Variants in FSTL5 observed in about 807,000 individuals in gnomAD.
The protein encoded by FSTL5 is follistatin like 5.
In FSTL5, 62 loss-of-function variants were observed where a neutral mutation model predicts 89.1. That is an observed-to-expected ratio of 0.70 (90% confidence interval 0.57 to 0.86). The LOEUF is 0.86. FSTL5 is among the 40% of genes least tolerant of loss of function. The pLI is 0.00. For synonymous variants in FSTL5, 383 were observed against 346.2 expected (o/e 1.11, Z -1.18); for missense variants, 1,057 against 1,001.6 (o/e 1.06, Z -0.75).
At chr4:161,784,976 C>T (rs888263408) in intron 4 of FSTL5, among the ~76,000 whole-genome samples, 1 of 151,522 alleles carries the variant, frequency 6.6e-6, no homozygotes, top group African/African-American at 2.4e-5. Context: ...ACATTTTTAA[C>T]CCGATACTTA....
intron 8 of FSTL5, among the ~76,000 whole-genome samples, chr4:161,545,304 G>A (rs1180803556): frequency 6.6e-6 from 1 of 151,946 alleles, no homozygotes; most frequent in East Asian, 1.9e-4. Context: ...ACTAATCAAA[G>A]GTATTTTATT....
intron 7 of FSTL5, among the ~76,000 whole-genome samples, chr4:161,618,832 A>G (rs1734994472): frequency 6.6e-6 from 1 of 152,216 alleles, no homozygotes; most frequent in Non-Finnish European, 1.5e-5. Flanking sequence ...AGAATTGGAA[A>G]AAACTACTTT....
chr4:162,004,193 T>C (rs1210402336), intron 3 of FSTL5, among the ~76,000 whole-genome samples: 3 of 152,182 alleles, frequency 2.0e-5, no homozygotes, highest in Non-Finnish European at 2.9e-5. Context: ...CACCCCAAAC[T>C]GTACTCGTGC....
At chr4:161,785,257 G>A (rs1377479458) in intron 4 of FSTL5, among the ~76,000 whole-genome samples, 3 of 152,288 alleles carry the variant, frequency 2.0e-5, no homozygotes, top group African/African-American at 7.2e-5. Context: ...TGAAAGTACA[G>A]CTTTACTGTT....
At chr4:161,972,982 C>G (rs970879576) in intron 3 of FSTL5, among the ~76,000 whole-genome samples, 1 of 152,142 alleles carries the variant, frequency 6.6e-6, no homozygotes, top group African/African-American at 2.4e-5. Flanking sequence ...TAAAATATTT[C>G]CTTGAGTGGC....
intron 6 of FSTL5, among the ~76,000 whole-genome samples, chr4:161,736,882 TAAAG>T (rs1327026815): frequency 6.6e-6 from 1 of 152,082 alleles, no homozygotes; most frequent in Non-Finnish European, 1.5e-5. Flanking sequence ...TTGTAAATAA[TAAAG>T]AGCCATATCT....
chr4:161,388,012 A>G (rs1730706623), intron 15 of FSTL5: 1 of 152,088 alleles, frequency 6.6e-6, no homozygotes, highest in Non-Finnish European at 1.5e-5. Context: ...CCTGTCTCCA[A>G]TGAGTCTAGA....
chr4:161,461,867 G>A (rs1733596153), intron 13 of FSTL5, among the ~76,000 whole-genome samples: 2 of 151,602 alleles, frequency 1.3e-5, no homozygotes, highest in South Asian at 4.2e-4. Context: ...AGCTTTAAAT[G>A]GAATAATCTT....
chr4:161,954,762 C>G (rs907703378), intron 3 of FSTL5, among the ~76,000 whole-genome samples: 9 of 151,500 alleles, frequency 5.9e-5, no homozygotes, highest in African/African-American at 2.2e-4. Context: ...ACCAAAATCA[C>G]TAAACACAGA....
At chr4:161,613,765 T>C (rs528771834) in intron 7 of FSTL5, among the ~76,000 whole-genome samples, 23 of 152,294 alleles carry the variant, frequency 1.5e-4, no homozygotes, top group African/African-American at 5.5e-4. Context: ...GTAAAATTTC[T>C]GGAACATATT....
rs1730545885 is a variant in FSTL5, at chr4:162,091,436, G to A, written c.126+19835C>T. ...AACTAATATATTCTCTCTTAGTTAG[G>A]AGTATACCCAACTCAGTCTGAACAA... On this transcript the variant is annotated intron_variant, in intron 2 of 15. Coordinates refer to ENST00000306100, the MANE Select transcript of FSTL5 (RefSeq NM_020116.5). Among the ~76,000 whole-genome samples the A allele has an allele frequency of 3.3e-5, 5 of 152,202 alleles. 1 individual carries two copies. In the Middle Eastern group the frequency reaches 0.017, roughly 518 times the overall value.
chr4:161,703,310 A>G (rs1211078247), intron 6 of FSTL5, among the ~76,000 whole-genome samples: 1 of 152,030 alleles, frequency 6.6e-6, no homozygotes, highest in African/African-American at 2.4e-5. Flanking sequence ...CTAAGTCCAA[A>G]CTTCACCACT....
chr4:161,926,306 C>G (rs1734120244), intron 3 of FSTL5, among the ~76,000 whole-genome samples: 1 of 151,734 alleles, frequency 6.6e-6, no homozygotes, highest in Non-Finnish European at 1.5e-5. Flanking sequence ...ATCTGTAGTT[C>G]AGTGAGTTTG....
At chr4:161,479,498 C>A (rs1389609492) in intron 13 of FSTL5, among the ~76,000 whole-genome samples, 1 of 152,074 alleles carries the variant, frequency 6.6e-6, no homozygotes, top group African/African-American at 2.4e-5. Context: ...CAATTTTAAT[C>A]CACCAGCAAG....
At position 161,618,017 on chromosome 4, in the gene FSTL5, T is replaced by G. The variant is rs544468991; in HGVS notation, c.895-30442A>C. Among the ~76,000 whole-genome samples the G allele has an allele frequency of 1.1e-4, 17 of 152,282 alleles. No homozygotes were observed. The South Asian group carries it at 3.5e-3, about 32-fold the overall frequency. On this transcript the variant is annotated intron_variant, in intron 7 of 15. Transcript: ENST00000306100. The stretch of plus-strand genomic sequence containing the variant: ...ATTTCATTGATGAGTGGTTTGTAGT[T>G]CTCCTTGAAGAGGTCCTTCACGTCC...
chr4:162,104,954 A>G (rs1294597721), intron 2 of FSTL5, among the ~76,000 whole-genome samples: 1 of 152,186 alleles, frequency 6.6e-6, no homozygotes, highest in Non-Finnish European at 1.5e-5. Context: ...ATTATAATAC[A>G]GAGTTCCTTT....
chr4:161,577,473 C>CAAAAAAAAAAAAAAAAAAGAAAA (rs1733265119), intron 8 of FSTL5, among the ~76,000 whole-genome samples: 1 of 110,226 alleles, frequency 9.1e-6, no homozygotes, highest in African/African-American at 3.5e-5. Flanking sequence ...AGAAAAAAGA[C>CAAAAAAAAAAAAAAAAAAGAAAA]AAAAAAAAAA....
intron 2 of FSTL5, among the ~76,000 whole-genome samples, chr4:162,077,743 T>C (rs1228700959): frequency 6.6e-6 from 1 of 151,854 alleles, no homozygotes; most frequent in Non-Finnish European, 1.5e-5. Context: ...TCTGGATTTA[T>C]AAGGCCAGTT....
intron 1 of FSTL5, among the ~76,000 whole-genome samples, chr4:162,156,392 G>A (rs1054053429): frequency 6.6e-6 from 1 of 152,112 alleles, no homozygotes; most frequent in South Asian, 2.1e-4. Flanking sequence ...CGATTACTGG[G>A]TAGATAGCCA....
Sources: allele counts gnomAD v4.1 joint callset (sites outside exome capture counted in the v4.1 genomes callset), GRCh38; gene constraint gnomAD v4.1.1; transcripts MANE v1.5; gene names NCBI Gene and HGNC (gene_info 2026-07-23, HGNC 2026-07-21).